The following ZXDC variants were observed in gnomAD, a reference collection of about 807,000 sequenced individuals.
The protein encoded by ZXDC is zinc finger protein ZXDC.
Under a neutral mutation model 63.6 loss-of-function variants are expected in ZXDC, and 58 were observed. The ratio of observed to expected loss-of-function variants is 0.91; its 90% CI spans 0.74 to 1.13. The LOEUF (loss-of-function observed/expected upper bound fraction) is 1.13, where lower values mean the gene tolerates loss of function less well. Among genes scored for constraint, ZXDC ranks in the 50% most tolerant of loss-of-function variants. The pLI is 0.00. For synonymous variants in ZXDC, 561 were observed against 496.1 expected, an observed-to-expected ratio of 1.13 and a Z score of -1.74; for missense variants, 1,133 against 1,148.9, an observed-to-expected ratio of 0.99 and a Z score of 0.20.
chr3:126,458,990 C>G (rs914774684), intron 7 of ZXDC: 1 of 980,868 alleles, frequency 1.0e-6, no homozygotes, highest in Non-Finnish European at 1.2e-6. Flanking sequence ...TCATATCAAC[C>G]CTTTTAGATA....
chr3:126,445,337 C>T (rs965556209), intron 7 of ZXDC, among the ~76,000 whole-genome samples: 13 of 152,010 alleles, frequency 8.6e-5, no homozygotes, highest in African/African-American at 2.9e-4. Context: ...CCCCACATCC[C>T]CTCTCTGATG....
In ZXDC at chr3:126,475,340, G is replaced by C. The variant is rs1204067548; in HGVS notation, c.526C>G (p.Arg176Gly). The change falls in exon 1 of 10, where the codon CGC becomes GGC. Residue 176 changes from arginine to glycine, a missense_variant. Transcript: ENST00000389709. Reference protein sequence around the residue: ...QASGPSTPGYRCPEPQCALAF... With the variant: ...QASGPSTPGYGCPEPQCALAF... ...AGCGCGCACTGCGGCTCGGGGCAGC[G>C]GTAGCCGGGCGTGCTGGGGCCGGAG... 2 of 1,526,660 alleles carry C rather than the reference G, an allele frequency of 1.3e-6. No individual in the cohort carries two copies. The highest frequency in any genetic ancestry group is 2.0e-5 in the Admixed American group (1 of 49,020). The allele number at this position is 1,526,660 out of a possible 1,614,324, so 94.6% of individuals were successfully genotyped here.
chr3:126,444,917 A>C (rs1933823733), intron 7 of ZXDC, among the ~76,000 whole-genome samples: 1 of 152,254 alleles, frequency 6.6e-6, no homozygotes, highest in Non-Finnish European at 1.5e-5. Flanking sequence ...CCAGTAACTA[A>C]AATGATTCTA....
intron 7 of ZXDC, among the ~76,000 whole-genome samples, chr3:126,447,681 C>G (rs1181793652): frequency 6.6e-6 from 1 of 152,202 alleles, no homozygotes; most frequent in African/African-American, 2.4e-5. Flanking sequence ...TTAGGGAAAT[C>G]TGGGTTCCTA....
chr3:126,445,022 T>G (rs1321900725), intron 7 of ZXDC, among the ~76,000 whole-genome samples: 2 of 152,218 alleles, frequency 1.3e-5, no homozygotes, highest in African/African-American at 4.8e-5. Context: ...GGTTTCAACT[T>G]CTGTATCAGC....
Position 126,475,701 on chromosome 3 carries a change from G to C in ZXDC, c.165C>G (p.Pro55=). 1.5e-6 allele frequency: 2 copies of C among 1,296,218 alleles called. No homozygotes were observed. Among genetic ancestry groups the C allele is most frequent in the Admixed American group, 4.0e-5 (1 of 25,084 alleles). 80.3% of individuals were successfully genotyped at this position (1,296,218 alleles called of 1,614,324 possible). A position where few individuals can be genotyped will look rare whatever the true frequency, so the allele number is the denominator to read the frequency against. The change falls in exon 1 of 10, where the codon CCC becomes CCG. Residue 55 remains proline, a synonymous_variant. Coordinates refer to ENST00000389709, the MANE Select transcript of ZXDC (RefSeq NM_025112.5). ...GCGGGCTTGGCCCGGAGGCCTCCCC[G>C]GGCCGCGCCCCGGGCCCGCCATCTT... is the stretch of plus-strand genomic sequence containing the variant. ...GPEDGGPGAR[P]GEASGPSPPP...
intron 7 of ZXDC, among the ~76,000 whole-genome samples, chr3:126,456,887 G>A (rs1285863534): frequency 6.6e-6 from 1 of 152,184 alleles, no homozygotes; most frequent in African/African-American, 2.4e-5. Context: ...AGTGATCCAG[G>A]TTACCACATC....
chr3:126,451,791 G>A, intron 7 of ZXDC: 1 of 985,378 alleles, frequency 1.0e-6, no homozygotes, highest in Non-Finnish European at 1.2e-6. Flanking sequence ...TGTCTCTGTG[G>A]CTGTGCCTCT....
At chr3:126,457,339 T>C (rs964212776) in intron 7 of ZXDC, 21 of 985,294 alleles carry the variant, frequency 2.1e-5, no homozygotes, top group Non-Finnish European at 2.3e-5. Flanking sequence ...TGCAGGAATA[T>C]GTGTCTAAAA....
At chr3:126,451,082 C>A in intron 7 of ZXDC, 1 of 980,572 alleles carries the variant, frequency 1.0e-6, no homozygotes, top group East Asian at 1.1e-4. Flanking sequence ...TCAGGCCCAC[C>A]AGGCCACCCC....
chr3:126,441,157 A>C (rs1395442693), intron 8 of ZXDC: 4 of 985,484 alleles, frequency 4.1e-6, no homozygotes, highest in South Asian at 4.7e-5. Flanking sequence ...GGGCTGCTGA[A>C]GCAGGTGTGC....
At chr3:126,457,914 G>A (rs1245731063) in intron 7 of ZXDC, among the ~76,000 whole-genome samples, 1 of 152,060 alleles carries the variant, frequency 6.6e-6, no homozygotes, top group Non-Finnish European at 1.5e-5. Flanking sequence ...GAAAAAAAAC[G>A]AAGGAACCTA....
rs1210369055 is a variant in ZXDC at position 126,438,071 on chromosome 3, C to G, written c.*304G>C. The G allele has an allele frequency of 2.2e-6, 1 of 448,452 alleles. No individual in the cohort carries two copies. The highest frequency in any genetic ancestry group is 4.1e-6 in the Non-Finnish European group (1 of 245,872). 27.8% of individuals were successfully genotyped at this position (448,452 alleles called of 1,614,324 possible). A position where few individuals can be genotyped will look rare whatever the true frequency, so the allele number is the denominator to read the frequency against. On this transcript the variant is annotated 3_prime_UTR_variant, in exon 10 of 10. Coordinates refer to ENST00000389709, the MANE Select transcript of ZXDC (RefSeq NM_025112.5). ...CTTTTTCTTTGTAATGCAACAAGTG[C>G]TACACAGCTCAGATCCAACGGGACA...
intron 7 of ZXDC, chr3:126,455,152 A>C: frequency 1.0e-6 from 1 of 959,856 alleles, no homozygotes; most frequent in Non-Finnish European, 1.2e-6. Context: ...TCCCAAACCC[A>C]ATTTTTTTTC....
chr3:126,467,994 A>T lies in ZXDC; in HGVS notation c.1271-1669T>A, dbSNP rs1353886278. ...CATTTTGGTTTGTATTTCCTGCGACAACCAGGAATGTAATCATTTCTCCAA... is the reference window on the plus strand; with the variant it reads ...CATTTTGGTTTGTATTTCCTGCGACTACCAGGAATGTAATCATTTCTCCAA... On this transcript the variant is annotated intron_variant, in intron 4 of 9. Coordinates refer to ENST00000389709, the MANE Select transcript of ZXDC (RefSeq NM_025112.5). Among the ~76,000 whole-genome samples the T allele has an allele frequency of 2.0e-5, 3 of 152,228 alleles. No homozygotes were observed. The East Asian group carries it at 5.8e-4, about 29-fold the overall frequency.
chr3:126,450,891 G>A (rs1934077053), intron 7 of ZXDC, among the ~76,000 whole-genome samples: 1 of 152,218 alleles, frequency 6.6e-6, no homozygotes, highest in African/African-American at 2.4e-5. Flanking sequence ...CCACTCCCTA[G>A]GCTGGGACCA....
chr3:126,459,663 C>T lies in ZXDC; in HGVS notation c.2202G>A (p.Gly734=), dbSNP rs1348366311. Residue 734 remains glycine (G), a synonymous_variant, in exon 7 of 10, where the codon GGG becomes GGA. Coordinates refer to ENST00000389709, the MANE Select transcript of ZXDC (RefSeq NM_025112.5). ...LAKEKKQRGA[G]SNAGASQSTQ... is the part of the protein sequence containing the mutation. ...CACACACGGCCTCACCTGCATTGCT[C>T]CCCGCTCCTCTCTGCTTTTTTTCCT... 1.2e-6 allele frequency: 2 copies of T among 1,614,090 alleles called. No homozygotes were observed. The highest frequency in any genetic ancestry group is 1.1e-5 in the South Asian group (1 of 91,086).
chr3:126,460,512 G>C, intron 6 of ZXDC: 7 of 961,540 alleles, frequency 7.3e-6, no homozygotes, highest in Non-Finnish European at 8.4e-6. Context: ...AGCTGCAGCT[G>C]CACCAGGGAG....
chr3:126,459,480 T>A, intron 7 of ZXDC, 173 bp downstream of exon 7: 9 of 985,470 alleles, frequency 9.1e-6, no homozygotes, highest in Non-Finnish European at 1.1e-5. Flanking sequence ...GGGAATTTTG[T>A]TACTAATTTT....
Sources: allele counts gnomAD v4.1 joint callset (sites outside exome capture counted in the v4.1 genomes callset), GRCh38; gene constraint gnomAD v4.1.1; transcripts MANE v1.5; gene names NCBI Gene and HGNC (gene_info 2026-07-23, HGNC 2026-07-21).